DNAH12: variants seen among roughly 807,000 people sequenced by gnomAD.
DNAH12 encodes the protein dynein axonemal heavy chain 12.
In DNAH12, 285 loss-of-function variants were observed where a neutral mutation model predicts 371.5. The ratio of observed to expected loss-of-function variants is 0.77; its 90% confidence interval spans 0.70 to 0.85. The LOEUF is 0.85. Among genes scored for constraint, DNAH12 ranks in the 40% least tolerant of loss-of-function variants. DNAH12 has a pLI of 0.00. For synonymous variants in DNAH12, 1,200 were observed against 1,213.0 expected, an observed-to-expected ratio of 0.99 and a Z score of 0.22; for missense variants, 3,611 against 3,689.4, an observed-to-expected ratio of 0.98 and a Z score of 0.55.
chr3:57,501,449 C>A (rs778991319), intron 10 of DNAH12, 37 bp from the exon 11 acceptor site: 4 of 1,490,218 alleles, frequency 2.7e-6, no homozygotes, highest in Non-Finnish European at 3.6e-6. Flanking sequence ...CTCAATAATA[C>A]CCTTTTTAGA....
the DNAH12 span, among the ~76,000 whole-genome samples, chr3:57,551,252 T>C: frequency 6.6e-6 from 1 of 151,574 alleles, no homozygotes. Context: ...TCGTACTCTG[T>C]ATACAAAATT....
intron 56 of DNAH12, 132 bp from the exon 57 acceptor site, chr3:57,367,053 C>T (rs2153333198): frequency 6.6e-6 from 1 of 152,290 alleles, no homozygotes; most frequent in South Asian, 2.1e-4. Context: ...CAGGGCCAGG[C>T]TCAGTGGCTC....
intron 8 of DNAH12, among the ~76,000 whole-genome samples, chr3:57,507,155 T>G (rs1575703152): frequency 6.6e-6 from 1 of 152,020 alleles, no homozygotes; most frequent in Non-Finnish European, 1.5e-5. Context: ...ACAGTAAAAA[T>G]TTGAGGAGGC....
chr3:57,491,052 A>T (rs553760382), intron 11 of DNAH12, among the ~76,000 whole-genome samples: 9 of 136,312 alleles, frequency 6.6e-5, no homozygotes, highest in African/African-American at 1.9e-4. Flanking sequence ...ACTGCACTCC[A>T]GCCTGGAAGA....
intron 13 of DNAH12, among the ~76,000 whole-genome samples, chr3:57,481,409 C>T (rs1467228678): frequency 6.6e-6 from 1 of 151,872 alleles, no homozygotes; most frequent in East Asian, 1.9e-4. Flanking sequence ...CACTGCTCAA[C>T]AAAATAAAAG....
chr3:57,383,645 G>A (rs1483091848), intron 49 of DNAH12, among the ~76,000 whole-genome samples: 1 of 112,678 alleles, frequency 8.9e-6, no homozygotes, highest in Non-Finnish European at 1.7e-5. Context: ...TACTCAGGAA[G>A]CTGAGTTGGG....
chr3:57,525,939 T>C (rs2068632369), intron 2 of DNAH12, among the ~76,000 whole-genome samples: 1 of 151,918 alleles, frequency 6.6e-6, no homozygotes, highest in African/African-American at 2.4e-5. Context: ...TTTTTTGTAT[T>C]TTTAGTAGAC....
At chr3:57,319,026 G>A (rs2061746606) in intron 65 of DNAH12, among the ~76,000 whole-genome samples, 1 of 152,038 alleles carries the variant, frequency 6.6e-6, no homozygotes, top group Non-Finnish European at 1.5e-5. Flanking sequence ...CCATGTTCAT[G>A]TCTTCTTTAA....
intron 8 of DNAH12, among the ~76,000 whole-genome samples, chr3:57,505,015 G>A (rs1323069473): frequency 6.6e-6 from 1 of 152,038 alleles, no homozygotes; most frequent in Non-Finnish European, 1.5e-5. Context: ...AGCCTCCTGA[G>A]TAGCTGGAAC....
At chr3:57,548,881 A>G (rs2069597825), upstream of DNAH12, 1 of 152,250 alleles carries the variant, frequency 6.6e-6, no homozygotes, top group African/African-American at 2.4e-5. Flanking sequence ...GAAATGATAC[A>G]GAAAAGATTA....
intron 13 of DNAH12, among the ~76,000 whole-genome samples, chr3:57,475,870 C>T (rs2066507201): frequency 6.6e-6 from 1 of 152,044 alleles, no homozygotes; most frequent in South Asian, 2.1e-4. Flanking sequence ...AAGAATTTTG[C>T]CTTAATTAGT....
chr3:57,499,641 A>AT (rs1553711536), intron 11 of DNAH12, among the ~76,000 whole-genome samples: 6 of 25,440 alleles, frequency 2.4e-4, no homozygotes, highest in African/African-American at 8.3e-4. Context: ...AAAAAAAAAA[A>AT]AAAAAAATAT....
intron 29 of DNAH12, among the ~76,000 whole-genome samples, chr3:57,442,655 C>T (rs371648850): frequency 1.1e-3 from 170 of 152,192 alleles, no homozygotes; most frequent in African/African-American, 4.0e-3. Flanking sequence ...CTGGAATCTA[C>T]GGATTTATTG....
At chr3:57,359,809 G>A (rs910404804) in intron 58 of DNAH12, among the ~76,000 whole-genome samples, 1 of 152,086 alleles carries the variant, frequency 6.6e-6, no homozygotes, top group Non-Finnish European at 1.5e-5. Flanking sequence ...TGTGGGTTCA[G>A]GGAAAAGGGA....
intron 69 of DNAH12, among the ~76,000 whole-genome samples, chr3:57,302,555 A>ATGGTTTTTTTTTTTT (rs1559535346): frequency 1.2e-5 from 1 of 80,990 alleles, no homozygotes; most frequent in African/African-American, 4.4e-5. Flanking sequence ...ATATATATAT[A>ATGGTTTTTTTTTTTT]TATATATATG....
rs547442027 is a variant in DNAH12, at chr3:57,524,840, T to C, written c.171-956A>G. Among the ~76,000 whole-genome samples the C allele has an allele frequency of 4.6e-5, 7 of 152,186 alleles. No homozygotes were observed. The South Asian group carries it at 1.2e-3, about 27-fold the overall frequency. On this transcript the variant is annotated intron_variant, in intron 2 of 73. Transcript: ENST00000495027. Reference sequence around the variant, plus strand: ...AGGGGTCGTTCAATCCACCCAAAGGTGACAGTGTCAAGTGGAGATAAGTCT... The same window carrying C: ...AGGGGTCGTTCAATCCACCCAAAGGCGACAGTGTCAAGTGGAGATAAGTCT...
intron 19 of DNAH12, among the ~76,000 whole-genome samples, chr3:57,460,410 T>C (rs563163967): frequency 6.6e-6 from 1 of 152,310 alleles, no homozygotes; most frequent in East Asian, 1.9e-4. Flanking sequence ...TGACAAGATA[T>C]TTCATTAGCT....
intron 29 of DNAH12, 43 bp from the exon 30 acceptor site, chr3:57,437,103 T>A: frequency 1.7e-6 from 2 of 1,188,656 alleles, no homozygotes; most frequent in Non-Finnish European, 1.2e-6. Flanking sequence ...CACAATATTA[T>A]AAATGTCATA....
At position 57,454,539 on chromosome 3, in the gene DNAH12, G is replaced by A. The variant is rs186536409; in HGVS notation, c.3456+236C>T. 1.5e-3 allele frequency among the ~76,000 whole-genome samples: 228 copies of A among 151,822 alleles called. 1 individual carries two copies. Among genetic ancestry groups the A allele is most frequent in the African/African-American group, 5.3e-3 (218 of 41,410 alleles). ...AGATTATATATAGAAACTGACAGAC[G>A]TATTGTCTTTGCAAACAATAGATAA... On this transcript the variant is annotated intron_variant, in intron 23 of 73. Coordinates refer to ENST00000495027, the MANE Select transcript of DNAH12 (RefSeq NM_001366028.2).
Sources: allele counts gnomAD v4.1 joint callset (sites outside exome capture counted in the v4.1 genomes callset), GRCh38; gene constraint gnomAD v4.1.1; transcripts MANE v1.5; gene names NCBI Gene and HGNC (gene_info 2026-07-23, HGNC 2026-07-21).